DYNC1LI1: variants seen among roughly 807,000 people sequenced by gnomAD.
DYNC1LI1 encodes dynein cytoplasmic 1 light intermediate chain 1, also known as cytoplasmic dynein 1 light intermediate chain 1.
DYNC1LI1 carries 19 observed loss-of-function variants against 63.8 expected under a neutral mutation model. The ratio of observed to expected loss-of-function variants is 0.30; its 90% CI spans 0.21 to 0.44. The LOEUF (loss-of-function observed/expected upper bound fraction) is 0.44. Among genes scored for constraint, DYNC1LI1 ranks in the 20% least tolerant of loss-of-function variants. DYNC1LI1 has a pLI of 1.00. For synonymous variants in DYNC1LI1, 225 were observed against 232.3 expected (o/e 0.97, Z 0.28); for missense variants, 565 against 630.2 (o/e 0.90, Z 1.11).
intron 6 of DYNC1LI1, among the ~76,000 whole-genome samples, chr3:32,535,894 TA>T (rs1326651290): frequency 6.6e-6 from 1 of 152,166 alleles, no homozygotes; most frequent in Non-Finnish European, 1.5e-5. Flanking sequence ...AGTATAGCAT[TA>T]AATAAATGAT....
chr3:32,552,801 G>T (rs138131927), intron 2 of DYNC1LI1, among the ~76,000 whole-genome samples: 1 of 152,122 alleles, frequency 6.6e-6, no homozygotes, highest in Non-Finnish European at 1.5e-5. Flanking sequence ...CACCTCCCAG[G>T]TTCAAGTAAT....
intron 2 of DYNC1LI1, among the ~76,000 whole-genome samples, chr3:32,551,002 T>TG (rs1417400613): frequency 4.5e-4 from 58 of 128,196 alleles, no homozygotes; most frequent in African/African-American, 1.6e-3. Context: ...AACAGCAAAT[T>TG]AAAAAAAAAA....
chr3:32,530,969 A>C (rs946147066), intron 8 of DYNC1LI1: 3 of 154,134 alleles, frequency 1.9e-5, no homozygotes, highest in South Asian at 2.0e-4. Context: ...TATCCTAGTT[A>C]AGTGAAATGC....
intron 2 of DYNC1LI1, among the ~76,000 whole-genome samples, chr3:32,561,395 G>A (rs1698191411): frequency 6.6e-6 from 1 of 152,106 alleles, no homozygotes; most frequent in South Asian, 2.1e-4. Context: ...TTGGGAGGCT[G>A]AGGTAGGCAG....
At chr3:32,554,863 A>ATTTTTTTTTTTTTTTTTTTTTTTTTTT (rs11434502) in intron 2 of DYNC1LI1, among the ~76,000 whole-genome samples, 2 of 104,724 alleles carry the variant, frequency 1.9e-5, no homozygotes, top group African/African-American at 3.9e-5. Flanking sequence ...AAATTTTTGA[A>ATTTTTTTTTTTTTTTTTTTTTTTTTTT]TTTTTTTTTT....
At chr3:32,564,769 C>T (rs1698237070) in intron 2 of DYNC1LI1, among the ~76,000 whole-genome samples, 1 of 152,196 alleles carries the variant, frequency 6.6e-6, no homozygotes, top group African/African-American at 2.4e-5. Flanking sequence ...CAGCATAACT[C>T]ATGGAACCTT....
chr3:32,560,447 T>C (rs1698174517), intron 2 of DYNC1LI1, among the ~76,000 whole-genome samples: 2 of 151,656 alleles, frequency 1.3e-5, no homozygotes, highest in Non-Finnish European at 1.5e-5. Flanking sequence ...AATAAATAAA[T>C]AAAATGAATT....
At chr3:32,546,599 G>A (rs1278786717) in intron 2 of DYNC1LI1, among the ~76,000 whole-genome samples, 1 of 152,042 alleles carries the variant, frequency 6.6e-6, no homozygotes, top group African/African-American at 2.4e-5. Flanking sequence ...TAATCTACAA[G>A]GAATAAAAGA....
chr3:32,570,242 T>TGGGCC (rs1275579170), intron 2 of DYNC1LI1, 104 bp downstream of exon 2: 10 of 940,308 alleles, frequency 1.1e-5, no homozygotes, highest in Non-Finnish European at 1.7e-5. Flanking sequence ...GGGGCGGGGC[T>TGGGCC]GGGCCGGCTG....
At chr3:32,542,412 T>TA (rs1697894725) in intron 4 of DYNC1LI1, among the ~76,000 whole-genome samples, 1 of 150,610 alleles carries the variant, frequency 6.6e-6, no homozygotes, top group South Asian at 2.1e-4. Flanking sequence ...TTTTCAATTT[T>TA]TTTTTTTTTT....
chr3:32,570,339 C>CT lies in DYNC1LI1; in HGVS notation c.220+6_220+7insA. 1 of 1,594,138 alleles carries CT rather than the reference C, an allele frequency of 6.3e-7. No individual in the cohort carries two copies. Among genetic ancestry groups the CT allele is most frequent in the Non-Finnish European group, 8.5e-7 (1 of 1,170,080 alleles). On this transcript the variant is annotated splice_region_variant and intron_variant, in intron 2 of 12. Coordinates refer to ENST00000273130, the MANE Select transcript of DYNC1LI1 (RefSeq NM_016141.4). ...GGGCGGGGCGGGGCGAGGCAGGGAA[C>CT]ACTTACCCAGCAGTAGCACGTTCTT...
chr3:32,552,752 C>T (rs1698061605), intron 2 of DYNC1LI1, among the ~76,000 whole-genome samples: 1 of 152,156 alleles, frequency 6.6e-6, no homozygotes, highest in South Asian at 2.1e-4. Context: ...TTTCGCCAGG[C>T]TGGAGTGCAG....
intron 2 of DYNC1LI1, among the ~76,000 whole-genome samples, chr3:32,557,102 C>G (rs1698124983): frequency 6.6e-6 from 1 of 152,202 alleles, no homozygotes; most frequent in African/African-American, 2.4e-5. Context: ...CCAAGCTGGA[C>G]AGTGTTTGAA....
At chr3:32,529,414 C>A in intron 11 of DYNC1LI1, 126 bp downstream of exon 11, 1 of 798,322 alleles carries the variant, frequency 1.3e-6, no homozygotes, top group Non-Finnish European at 1.8e-6. Flanking sequence ...ATTATATATC[C>A]ATAGAGACAA....
At chr3:32,561,776 ATCTG>A (rs1262931755) in intron 2 of DYNC1LI1, among the ~76,000 whole-genome samples, 6 of 152,172 alleles carry the variant, frequency 3.9e-5, no homozygotes, top group African/African-American at 1.4e-4. Flanking sequence ...AACAATAATA[ATCTG>A]TCTACCAATC....
At chr3:32,557,417 G>A (rs1698129111) in intron 2 of DYNC1LI1, among the ~76,000 whole-genome samples, 1 of 152,080 alleles carries the variant, frequency 6.6e-6, no homozygotes, top group Admixed American at 6.6e-5. Flanking sequence ...AGCTACTCGA[G>A]AGGCTGAGGC....
rs185827994 is a variant in DYNC1LI1, at chr3:32,539,328, T to C, written c.738+1709A>G. Among the ~76,000 whole-genome samples the C allele has an allele frequency of 9.7e-4, 147 of 152,302 alleles. 1 individual carries two copies. In the Middle Eastern group the frequency reaches 0.01, roughly 11 times the overall value. ...GCAAAGTAAAACCTAAGCTAGGTTT[T>C]AGATTTTTTAATCAATTTTACTCCA... On this transcript the variant is annotated intron_variant, in intron 5 of 12. Transcript: ENST00000273130.
Position 32,534,513 on chromosome 3 carries a change from A to C in DYNC1LI1, c.966T>G (p.Phe322Leu). The C allele has an allele frequency of 1.3e-6, 2 of 1,576,226 alleles. No individual in the cohort carries two copies. The highest frequency in any genetic ancestry group is 1.7e-6 in the Non-Finnish European group (2 of 1,154,654). The part of the protein sequence containing the change: ...PAVVVEKDAV[F>L]IPAGWDNDKK... ...TATATATTTAAGAGTACACTTACAT[A>C]AATACTGCATCCTTTTCCACAACAA... The change falls in exon 7 of 13, where the codon TTT (phenylalanine) becomes TTG (leucine). Residue 322 changes from phenylalanine (F) to leucine (L), a missense_variant and splice_region_variant. Physicochemically the swap from Phe to Leu is conservative, Grantham distance 22 (BLOSUM62 0). Transcript: ENST00000273130.
chr3:32,539,060 T>C (rs578171129), intron 5 of DYNC1LI1, among the ~76,000 whole-genome samples: 2 of 152,174 alleles, frequency 1.3e-5, no homozygotes, highest in African/African-American at 2.4e-5. Context: ...ATAAGGCAAG[T>C]AGTGCTGACG....
Sources: gnomAD v4.1 joint callset for allele counts (sites outside exome capture counted in the v4.1 genomes callset) on GRCh38, gnomAD v4.1.1 for gene constraint, MANE v1.5 for transcripts, NCBI Gene and HGNC (gene_info 2026-07-23, HGNC 2026-07-21) for gene names.